S100Z: variants seen among roughly 807,000 people sequenced by gnomAD.
S100Z encodes the protein protein S100-Z.
In S100Z, 11 loss-of-function variants were observed where a neutral mutation model predicts 8.5. The observed-to-expected ratio is 1.30, with a 90% CI of 0.82 to 2.15. The LOEUF (loss-of-function observed/expected upper bound fraction) is 2.15. Ranked by LOEUF, S100Z falls within the 30% of genes most tolerant of loss-of-function variation. The pLI is 0.00. For synonymous variants in S100Z, 34 were observed against 43.8 expected, an observed-to-expected ratio of 0.78 and a Z score of 0.89; for missense variants, 126 against 117.9, an observed-to-expected ratio of 1.07 and a Z score of -0.32.
At position 76,895,478 on chromosome 5, in the gene S100Z, A is replaced by T. The variant is rs114657838; in HGVS notation, c.*2+17644A>T. ...GAAAGTTAAAGCCCAATGACAGTTT[A>T]AAAAAAAACCCCTGATGTCCAACTT... On this transcript the variant is annotated intron_variant, in intron 4 of 4. Transcript: ENST00000317593. Among the ~76,000 whole-genome samples the T allele has an allele frequency of 4.6e-3, 690 of 149,406 alleles. 7 individuals carry two copies. The highest frequency in any genetic ancestry group is 0.016 in the African/African-American group (640 of 39,380).
chr5:76,867,626 C>G (rs544171277), intron 1 of S100Z, among the ~76,000 whole-genome samples: 46 of 145,866 alleles, frequency 3.2e-4, no homozygotes, highest in African/African-American at 1.1e-3. Context: ...GGGTCTCACT[C>G]TGTCTCCCAG....
chr5:76,939,237 C>A, the S100Z span, among the ~76,000 whole-genome samples: 109,570 of 149,532 alleles, frequency 0.73, 40,650 homozygotes, highest in East Asian at 0.93. Flanking sequence ...ACTGCAAGCT[C>A]CGCCTCCCGG....
At chr5:76,891,874 G>A (rs1463554482) in intron 4 of S100Z, among the ~76,000 whole-genome samples, 1 of 152,106 alleles carries the variant, frequency 6.6e-6, no homozygotes, top group Non-Finnish European at 1.5e-5. Context: ...TCAGAGTAAA[G>A]GTCTTGGGCA....
intron 3 of S100Z, among the ~76,000 whole-genome samples, chr5:76,876,422 G>A (rs1242973037): frequency 6.6e-6 from 1 of 150,752 alleles, no homozygotes; most frequent in Middle Eastern, 3.2e-3. Flanking sequence ...AGGCCGGAGT[G>A]CAGTGACACG....
chr5:76,946,220 T>G, the S100Z span, among the ~76,000 whole-genome samples: 1 of 152,210 alleles, frequency 6.6e-6, no homozygotes, highest in African/African-American at 2.4e-5. Flanking sequence ...TTCCTCCCAT[T>G]ATTACTCTTC....
chr5:76,920,402 G>A (rs566778653), intron 4 of S100Z, among the ~76,000 whole-genome samples: 7 of 152,052 alleles, frequency 4.6e-5, no homozygotes, highest in Non-Finnish European at 7.4e-5. Flanking sequence ...TCTTGCAATT[G>A]GCATTAGCTG....
intron 1 of S100Z, among the ~76,000 whole-genome samples, chr5:76,857,440 T>C (rs1750915369): frequency 6.6e-6 from 1 of 151,876 alleles, no homozygotes; most frequent in Non-Finnish European, 1.5e-5. Flanking sequence ...CTCTCTGAGA[T>C]GGCATTTTGT....
At chr5:76,870,606 A>AT (rs560316612) in intron 2 of S100Z, among the ~76,000 whole-genome samples, 2,376 of 148,800 alleles carry the variant, frequency 0.016, 24 homozygotes, top group Non-Finnish European at 0.024. Flanking sequence ...TAAAAGCTTG[A>AT]TTTTTTTTTT....
At chr5:76,918,746 A>G (rs1025785771) in intron 4 of S100Z, among the ~76,000 whole-genome samples, 3 of 152,200 alleles carry the variant, frequency 2.0e-5, no homozygotes, top group Admixed American at 6.5e-5. Context: ...AGTGTTGTAC[A>G]TTCTATGGGT....
At chr5:76,861,775 G>A (rs1751062922) in intron 1 of S100Z, among the ~76,000 whole-genome samples, 1 of 152,108 alleles carries the variant, frequency 6.6e-6, no homozygotes, top group Admixed American at 6.5e-5. Flanking sequence ...TACTTCATTT[G>A]GCTCAAGAAT....
In S100Z at chr5:76,875,222, T is replaced by C. The variant is rs1299435331; in HGVS notation, c.-56-82T>C. 10 of 758,618 alleles carry C rather than the reference T, an allele frequency of 1.3e-5. No homozygotes were observed. The East Asian group carries it at 2.6e-4, about 19-fold the overall frequency. The allele number at this position is 758,618 out of a possible 1,614,324, so 47.0% of individuals were successfully genotyped here. On this transcript the variant is annotated intron_variant, in intron 2 of 4. Coordinates refer to ENST00000317593, the MANE Select transcript of S100Z (RefSeq NM_130772.4). ...TTATGTTTTTAACAACCATCACTTGTGTGGCGAGCTGACTCGGGGGATTGT... is the reference window on the plus strand; with the variant it reads ...TTATGTTTTTAACAACCATCACTTGCGTGGCGAGCTGACTCGGGGGATTGT...
At position 76,861,807 on chromosome 5, in the gene S100Z, A is replaced by G. The variant is rs146813433; in HGVS notation, c.-175-8359A>G. On this transcript the variant is annotated intron_variant, in intron 1 of 4. Coordinates refer to ENST00000317593, the MANE Select transcript of S100Z (RefSeq NM_130772.4). Reference sequence around the variant, plus strand: ...GAATAAATTTGGGAAATAAATAAGCATTCATGTTATACTTCTTAGTCATCA... The same window carrying G: ...GAATAAATTTGGGAAATAAATAAGCGTTCATGTTATACTTCTTAGTCATCA... Among the ~76,000 whole-genome samples, 9 of 152,348 alleles carry G rather than the reference A, an allele frequency of 5.9e-5. No homozygotes were observed. The East Asian group carries it at 1.7e-3, about 29-fold the overall frequency.
chr5:76,920,640 G>A (rs555085275), intron 4 of S100Z, 77 bp from the exon 5 acceptor site: 1 of 152,308 alleles, frequency 6.6e-6, no homozygotes, highest in East Asian at 1.9e-4. Context: ...CAATTTAAAT[G>A]TTACCATCAT....
At chr5:76,863,697 C>T (rs1030410401) in intron 1 of S100Z, among the ~76,000 whole-genome samples, 6 of 151,870 alleles carry the variant, frequency 4.0e-5, no homozygotes, top group African/African-American at 1.5e-4. Context: ...CGCCACCACA[C>T]CCAGCTAATT....
At chr5:76,929,635 A>T in the S100Z span, among the ~76,000 whole-genome samples, 35 of 152,294 alleles carry the variant, frequency 2.3e-4, no homozygotes, top group African/African-American at 8.2e-4. Context: ...TGGGGTCATT[A>T]TGGTTAACCT....
Position 76,852,059 on chromosome 5 carries a change from TA to T in S100Z, c.-176+1917del, listed in dbSNP as rs200830665. Among the ~76,000 whole-genome samples the T allele has an allele frequency of 3.8e-3, 545 of 145,144 alleles. 2 individuals are homozygous for T. Among genetic ancestry groups the T allele is most frequent in the African/African-American group, 7.3e-3 (293 of 40,316 alleles). ...AATTAAAATTTCTCACTTTTTCTTTTAAAAAAAAAAAAAGTGAAGTTCTGGG... is the reference window on the plus strand; with the variant it reads ...AATTAAAATTTCTCACTTTTTCTTTTAAAAAAAAAAAAGTGAAGTTCTGGG... On this transcript the variant is annotated intron_variant, in intron 1 of 4. Transcript: ENST00000317593.
At chr5:76,897,062 G>A (rs1377288913) in intron 4 of S100Z, among the ~76,000 whole-genome samples, 2 of 152,046 alleles carry the variant, frequency 1.3e-5, no homozygotes, top group Non-Finnish European at 2.9e-5. Flanking sequence ...CTATAGCTCT[G>A]GTGTATAATT....
At chr5:76,879,364 A>G (rs1354331305) in intron 4 of S100Z, among the ~76,000 whole-genome samples, 1 of 152,190 alleles carries the variant, frequency 6.6e-6, no homozygotes, top group Non-Finnish European at 1.5e-5. Context: ...AAAAAATGAC[A>G]GCTCTCTGGT....
chr5:76,899,422 C>CT (rs1236909380), intron 4 of S100Z, among the ~76,000 whole-genome samples: 1 of 146,302 alleles, frequency 6.8e-6, no homozygotes, highest in Non-Finnish European at 1.5e-5. Context: ...GTCTTCTCTT[C>CT]CTTCTTTCTT....
Sources: gnomAD v4.1 joint callset for allele counts (sites outside exome capture counted in the v4.1 genomes callset) on GRCh38, gnomAD v4.1.1 for gene constraint, MANE v1.5 for transcripts, NCBI Gene and HGNC (gene_info 2026-07-23, HGNC 2026-07-21) for gene names.